The following EHMT1 variants were observed in gnomAD, a reference collection of about 807,000 sequenced individuals.
EHMT1 encodes the protein histone-lysine N-methyltransferase EHMT1.
EHMT1 carries 15 observed loss-of-function variants against 147.2 expected under a neutral mutation model. That is an observed-to-expected ratio of 0.10 (90% CI 0.07 to 0.16). The LOEUF (loss-of-function observed/expected upper bound fraction) is 0.16, where lower values mean the gene tolerates loss of function less well. Ranked by LOEUF, EHMT1 falls within the 10% of genes least tolerant of loss-of-function variation. The probability of loss-of-function intolerance (pLI) is 1.00; values close to 1 mark genes in which losing one functional copy is unlikely to be tolerated. For missense variants in EHMT1, 1,587 were observed against 1,772.4 expected (o/e 0.90, Z 1.88); for synonymous variants, 795 against 709.6 (o/e 1.12, Z -1.91).
At position 137,783,178 on chromosome 9, in the gene EHMT1, A is replaced by G. The variant is rs542985162; in HGVS notation, c.2382+781A>G. Among the ~76,000 whole-genome samples the G allele has an allele frequency of 2.0e-5, 3 of 152,252 alleles. No homozygotes were observed. In the South Asian group the frequency reaches 6.2e-4, roughly 32 times the overall value. ...GTGCCCTTTCAGTGCAGAAATCCACACCTGTCAGTTCTAGGAGGATTTCCT... is the reference window on the plus strand; with the variant it reads ...GTGCCCTTTCAGTGCAGAAATCCACGCCTGTCAGTTCTAGGAGGATTTCCT... On this transcript the variant is annotated intron_variant, in intron 15 of 26. Coordinates refer to ENST00000460843, the MANE Select transcript of EHMT1 (RefSeq NM_024757.5).
At chr9:137,788,141 G>T in intron 15 of EHMT1, 2 of 1,050,400 alleles carry the variant, frequency 1.9e-6, no homozygotes, top group Non-Finnish European at 2.7e-6. Context: ...GCAGGGGTGG[G>T]GTGGTCACTG....
At chr9:137,726,818 TG>T (rs1374238707) in intron 3 of EHMT1, among the ~76,000 whole-genome samples, 3 of 152,236 alleles carry the variant, frequency 2.0e-5, no homozygotes, top group African/African-American at 7.2e-5. Context: ...GGTTTCCATA[TG>T]CATTTCCCCA....
At chr9:137,690,579 A>AT (rs1392053608) in intron 1 of EHMT1, among the ~76,000 whole-genome samples, 23 of 147,692 alleles carry the variant, frequency 1.6e-4, no homozygotes, top group South Asian at 8.6e-4. Flanking sequence ...ATTTTATTTT[A>AT]TTTTTTTTGA....
rs10867058 is a variant in EHMT1, at chr9:137,752,195, C to T, written c.1171-136C>T. On this transcript the variant is annotated intron_variant, in intron 6 of 26. Transcript: ENST00000460843. ...GGCTGGAGCAGGCCGGCGGCGCCCC[C>T]GCCCCGCGAGCGTCTCCGGCGTGTG... 0.27 allele frequency: 291,686 copies of T among 1,069,494 alleles called. 42,721 individuals are homozygous for T. The highest frequency in any genetic ancestry group is 0.44 in the Admixed American group (21,746 of 49,912). 66.3% of individuals were successfully genotyped at this position (1,069,494 alleles called of 1,614,324 possible). A position where few individuals can be genotyped will look rare whatever the true frequency, so the allele number is the denominator to read the frequency against.
intron 4 of EHMT1, among the ~76,000 whole-genome samples, chr9:137,736,234 G>A (rs1319932136): frequency 1.3e-5 from 2 of 152,102 alleles, no homozygotes; most frequent in East Asian, 3.9e-4. Context: ...ACAATATATA[G>A]TAATAAAAGT....
intron 14 of EHMT1, among the ~76,000 whole-genome samples, chr9:137,781,197 ACGCTGAGACGTGTGGTGACGACGCTGG>A: frequency 1.1e-5 from 1 of 94,800 alleles, no homozygotes; most frequent in Non-Finnish European, 1.8e-5. Context: ...TGTGGTGACG[ACGCTGAGACGTGTGGTGACGACGCTGG>A]GACGTGTGGT....
chr9:137,640,215 G>A (rs1257859861), intron 1 of EHMT1, among the ~76,000 whole-genome samples: 1 of 152,170 alleles, frequency 6.6e-6, no homozygotes, highest in Non-Finnish European at 1.5e-5. Context: ...GATTACGGGT[G>A]TGAGCCACCG....
At chr9:137,634,688 TTTTC>T (rs959319357) in intron 1 of EHMT1, among the ~76,000 whole-genome samples, 8 of 151,080 alleles carry the variant, frequency 5.3e-5, no homozygotes, top group African/African-American at 9.7e-5. Context: ...TTTTTCTTTC[TTTTC>T]TTTCTTTCTT....
chr9:137,768,529 A>ATTTTTTT lies in EHMT1; in HGVS notation c.1647+5741_1647+5747dup, dbSNP rs947901899. On this transcript the variant is annotated intron_variant, in intron 10 of 26. Transcript: ENST00000460843. ...CCACCACGCCCGGCTAATTTTTTGT[A>ATTTTTTT]TTTTTTTTTTTTTTTTTTTTTTTTT... 8.2e-4 allele frequency among the ~76,000 whole-genome samples: 15 copies of ATTTTTTT among 18,286 alleles called. 2 individuals carry two copies. The highest frequency in any genetic ancestry group is 1.5e-3 in the Non-Finnish European group (13 of 8,838). 12.0% of individuals were successfully genotyped at this position (18,286 alleles called of 152,430 possible).
intron 1 of EHMT1, among the ~76,000 whole-genome samples, chr9:137,701,103 A>G (rs1943784830): frequency 6.6e-6 from 1 of 152,132 alleles, no homozygotes; most frequent in Non-Finnish European, 1.5e-5. Flanking sequence ...CTCACTCATT[A>G]TCATGAGAAC....
intron 6 of EHMT1, among the ~76,000 whole-genome samples, chr9:137,745,314 A>G (rs760520961): frequency 6.6e-6 from 1 of 152,128 alleles, no homozygotes; most frequent in Non-Finnish European, 1.5e-5. Flanking sequence ...TCTGTTGTAC[A>G]TTTTTAGCAT....
Position 137,829,989 on chromosome 9 carries a change from T to C in EHMT1, c.3541-4360T>C, listed in dbSNP as rs76767385. Reference sequence around the variant, plus strand: ...AGAGAAAGGCAAGATCAATGCTTTATTCTTACCATTTAGTTATCAAGTTTC... The same window carrying C: ...AGAGAAAGGCAAGATCAATGCTTTACTCTTACCATTTAGTTATCAAGTTTC... On this transcript the variant is annotated intron_variant, in intron 25 of 26. Transcript: ENST00000460843. Among the ~76,000 whole-genome samples the C allele has an allele frequency of 9.5e-3, 1,450 of 152,364 alleles. 35 individuals carry two copies. Among genetic ancestry groups the C allele is most frequent in the African/African-American group, 0.032 (1,346 of 41,592 alleles).
At chr9:137,798,599 C>G (rs1329034340) in intron 16 of EHMT1, among the ~76,000 whole-genome samples, 1 of 152,298 alleles carries the variant, frequency 6.6e-6, no homozygotes, top group East Asian at 1.9e-4. Context: ...TTCACTGTGC[C>G]AGGCGACTGA....
chr9:137,649,162 G>T (rs551635891), intron 1 of EHMT1, among the ~76,000 whole-genome samples: 1 of 151,986 alleles, frequency 6.6e-6, no homozygotes, highest in East Asian at 1.9e-4. Context: ...GTGTTCTCCC[G>T]GCTGGGTGCA....
At chr9:137,676,222 T>TA (rs1941294633) in intron 1 of EHMT1, 1 of 151,600 alleles carries the variant, frequency 6.6e-6, no homozygotes, top group African/African-American at 2.4e-5. Flanking sequence ...GCCCGGCCAT[T>TA]ACGCCTGACT....
rs1953645246 is a variant in EHMT1, at chr9:137,803,142, G to A, written c.2712+2158G>A. 3.3e-6 allele frequency: 4 copies of A among 1,227,916 alleles called. No homozygotes were observed. The Admixed American group carries it at 1.3e-4, about 39-fold the overall frequency. 76.1% of individuals were successfully genotyped at this position (1,227,916 alleles called of 1,614,324 possible). A position where few individuals can be genotyped will look rare whatever the true frequency, so the allele number is the denominator to read the frequency against. On this transcript the variant is annotated intron_variant, in intron 18 of 26. Coordinates refer to ENST00000460843, the MANE Select transcript of EHMT1 (RefSeq NM_024757.5). ...TCAGAGCTGTTAGCTCTCTGATGCT[G>A]GTGGCTGTTCCCCCAGAATGGAAGC...
chr9:137,711,845 G>C (rs1196418734), intron 2 of EHMT1, among the ~76,000 whole-genome samples: 1 of 152,180 alleles, frequency 6.6e-6, no homozygotes, highest in African/African-American at 2.4e-5. Flanking sequence ...GAGCAGCTCA[G>C]ACACTGGACT....
intron 1 of EHMT1, among the ~76,000 whole-genome samples, chr9:137,698,909 A>C (rs1943608950): frequency 6.6e-6 from 1 of 151,710 alleles, no homozygotes. Flanking sequence ...AGTTTCTATG[A>C]TCTTTCCCCC....
chr9:137,827,241 C>T (rs1009540025), intron 25 of EHMT1, among the ~76,000 whole-genome samples: 1 of 152,216 alleles, frequency 6.6e-6, no homozygotes, highest in African/African-American at 2.4e-5. Flanking sequence ...CCTCGCCTCC[C>T]ATGAGTGTCC....
Sources: gnomAD v4.1 joint callset for allele counts (sites outside exome capture counted in the v4.1 genomes callset) on GRCh38, gnomAD v4.1.1 for gene constraint, MANE v1.5 for transcripts, NCBI Gene and HGNC (gene_info 2026-07-23, HGNC 2026-07-21) for gene names.